Variants in FBXL7 observed in about 807,000 individuals in gnomAD.
FBXL7 encodes the protein F-box and leucine rich repeat protein 7.
A neutral mutation model predicts 38.3 loss-of-function variants in FBXL7; 12 were observed. That is an observed-to-expected ratio of 0.31 (90% CI 0.20 to 0.51). FBXL7 has a LOEUF of 0.51. Among genes scored for constraint, FBXL7 ranks in the 20% least tolerant of loss-of-function variants. The pLI, the probability that FBXL7 is intolerant of heterozygous loss-of-function variation, is 0.98. For missense variants in FBXL7, 567 were observed against 676.4 expected (o/e 0.84, Z 1.79); for synonymous variants, 297 against 300.9 (o/e 0.99, Z 0.13).
At chr5:15,720,559 G>T (rs1324552506) in intron 2 of FBXL7, among the ~76,000 whole-genome samples, 4 of 148,450 alleles carry the variant, frequency 2.7e-5, no homozygotes, top group East Asian at 3.9e-4. Flanking sequence ...TGTTTAAATT[G>T]TATCTAATTT....
At chr5:15,706,191 G>C (rs1221118237) in intron 2 of FBXL7, among the ~76,000 whole-genome samples, 1 of 152,126 alleles carries the variant, frequency 6.6e-6, no homozygotes, top group Non-Finnish European at 1.5e-5. Context: ...GGTGGGGCCT[G>C]GGGGGAGGTG....
intron 2 of FBXL7, among the ~76,000 whole-genome samples, chr5:15,888,066 A>G (rs747048360): frequency 2.0e-5 from 3 of 152,194 alleles, no homozygotes; most frequent in Non-Finnish European, 4.4e-5. Context: ...AGCAAATTAA[A>G]TTAAAGGAGA....
intron 1 of FBXL7, among the ~76,000 whole-genome samples, chr5:15,531,369 C>T (rs571171449): frequency 1.8e-4 from 27 of 152,140 alleles, no homozygotes; most frequent in African/African-American, 5.1e-4. Flanking sequence ...CAAAAATTCT[C>T]GTTAAAATAA....
intron 2 of FBXL7, among the ~76,000 whole-genome samples, chr5:15,754,744 C>T (rs1262709710): frequency 6.6e-6 from 1 of 152,192 alleles, no homozygotes; most frequent in East Asian, 1.9e-4. Context: ...CAAGCACGTA[C>T]ATTATTAACT....
chr5:15,797,243 A>C (rs921718557), intron 2 of FBXL7, among the ~76,000 whole-genome samples: 1 of 152,196 alleles, frequency 6.6e-6, no homozygotes, highest in Non-Finnish European at 1.5e-5. Context: ...ATAGGTCATC[A>C]AGTCCCAACA....
chr5:15,552,743 A>C (rs1169979864), intron 1 of FBXL7, among the ~76,000 whole-genome samples: 4 of 152,216 alleles, frequency 2.6e-5, no homozygotes, highest in Middle Eastern at 3.4e-3. Flanking sequence ...ACGTCTTTTT[A>C]TTTAAAACTC....
chr5:15,665,200 G>A (rs1196031892), intron 2 of FBXL7, among the ~76,000 whole-genome samples: 1 of 152,116 alleles, frequency 6.6e-6, no homozygotes, highest in Admixed American at 6.6e-5. Flanking sequence ...ACTGAAATAG[G>A]TTCTATCATT....
chr5:15,538,431 A>G (rs754267994), intron 1 of FBXL7, among the ~76,000 whole-genome samples: 8 of 152,216 alleles, frequency 5.3e-5, no homozygotes, highest in Admixed American at 2.6e-4. Flanking sequence ...AGTGAGGACT[A>G]TTATCTTCAG....
chr5:15,700,028 C>T (rs764882611), intron 2 of FBXL7, among the ~76,000 whole-genome samples: 2 of 152,154 alleles, frequency 1.3e-5, no homozygotes, highest in African/African-American at 2.4e-5. Flanking sequence ...ATAGCCCATG[C>T]TTTTAAGGAA....
At chr5:15,773,215 A>G (rs888120747) in intron 2 of FBXL7, among the ~76,000 whole-genome samples, 2 of 152,280 alleles carry the variant, frequency 1.3e-5, no homozygotes, top group East Asian at 3.9e-4. Flanking sequence ...CTTCTTTTCA[A>G]GGTCTACTGT....
intron 1 of FBXL7, among the ~76,000 whole-genome samples, chr5:15,562,363 C>G (rs1029963302): frequency 6.6e-6 from 1 of 152,018 alleles, no homozygotes; most frequent in African/African-American, 2.4e-5. Context: ...GACATTATAT[C>G]AGATAAAGGA....
chr5:15,600,138 CA>C (rs1447838604), intron 1 of FBXL7, among the ~76,000 whole-genome samples: 1 of 152,168 alleles, frequency 6.6e-6, no homozygotes, highest in Non-Finnish European at 1.5e-5. Flanking sequence ...TGTTTTCAGC[CA>C]TCTGTTGTCA....
chr5:15,559,785 T>C (rs908399627), intron 1 of FBXL7, among the ~76,000 whole-genome samples: 3 of 152,236 alleles, frequency 2.0e-5, no homozygotes. Context: ...GGAGGCATGA[T>C]TGATTACGCA....
chr5:15,641,919 T>C (rs1030223374), intron 2 of FBXL7, among the ~76,000 whole-genome samples: 6 of 150,482 alleles, frequency 4.0e-5, no homozygotes, highest in Admixed American at 3.3e-4. Flanking sequence ...TAACATAGTA[T>C]ATGGTAACTT....
chr5:15,881,335 G>A (rs1341961191), intron 2 of FBXL7, among the ~76,000 whole-genome samples: 3 of 152,096 alleles, frequency 2.0e-5, no homozygotes, highest in East Asian at 3.9e-4. Flanking sequence ...TACCATCCAC[G>A]TTGCTGCAGA....
At chr5:15,733,662 G>A (rs182875615) in intron 2 of FBXL7, among the ~76,000 whole-genome samples, 1 of 152,202 alleles carries the variant, frequency 6.6e-6, no homozygotes, top group African/African-American at 2.4e-5. Flanking sequence ...AATGTTTGTT[G>A]TGGAGGGTGA....
intron 2 of FBXL7, among the ~76,000 whole-genome samples, chr5:15,724,527 C>T: frequency 6.6e-6 from 1 of 152,142 alleles, no homozygotes; most frequent in East Asian, 1.9e-4. Context: ...TCCAGGAAAC[C>T]ATGAATTCAC....
intron 1 of FBXL7, among the ~76,000 whole-genome samples, chr5:15,599,361 G>GT (rs373992410): frequency 2.0e-5 from 3 of 152,140 alleles, no homozygotes; most frequent in African/African-American, 7.2e-5. Context: ...GTGTTTGTAT[G>GT]TGTGTGTATG....
chr5:15,700,489 G>C (rs1184379638), intron 2 of FBXL7, among the ~76,000 whole-genome samples: 1 of 152,162 alleles, frequency 6.6e-6, no homozygotes, highest in African/African-American at 2.4e-5. Flanking sequence ...ATAATAAGTG[G>C]AGTCTGCCAG....
Sources: allele counts gnomAD v4.1 joint callset (sites outside exome capture counted in the v4.1 genomes callset), GRCh38; gene constraint gnomAD v4.1.1; transcripts MANE v1.5; gene names NCBI Gene and HGNC (gene_info 2026-07-23, HGNC 2026-07-21).